The following RIGI variants were observed in gnomAD, a reference collection of about 807,000 sequenced individuals.
The protein encoded by RIGI is RNA sensor RIG-I.
chr9:32,481,032 T>C, the RIGI span, among the ~76,000 whole-genome samples: 1 of 152,216 alleles, frequency 6.6e-6, no homozygotes, highest in African/African-American at 2.4e-5. Context: ...GGACTGGTCT[T>C]GTATCTGGAA....
At chr9:32,509,697 C>T in the RIGI span, among the ~76,000 whole-genome samples, 1 of 152,146 alleles carries the variant, frequency 6.6e-6, no homozygotes. Context: ...AGGATCACAA[C>T]TCCTTGCCAG....
the RIGI span, chr9:32,487,425 T>G: frequency 6.3e-7 from 1 of 1,586,246 alleles, no homozygotes; most frequent in African/African-American, 1.3e-5. Context: ...CTAGAGGTAG[T>G]AGAGAGTAAC....
At chr9:32,525,108 A>T in the RIGI span, among the ~76,000 whole-genome samples, 1 of 152,172 alleles carries the variant, frequency 6.6e-6, no homozygotes, top group Admixed American at 6.5e-5. Flanking sequence ...CTGTGAATCA[A>T]GCAGCCAGCC....
chr9:32,458,655 A>G, the RIGI span, among the ~76,000 whole-genome samples: 3 of 152,330 alleles, frequency 2.0e-5, no homozygotes, highest in East Asian at 5.8e-4. Context: ...ACTTTGGAAC[A>G]ATTTTAGATT....
chr9:32,498,403 T>A, the RIGI span: 1 of 454,684 alleles, frequency 2.2e-6, no homozygotes, highest in South Asian at 1.6e-5. Context: ...TGTTTTACTC[T>A]CCCCACCCTC....
chr9:32,484,864 T>G, the RIGI span, among the ~76,000 whole-genome samples: 2 of 152,172 alleles, frequency 1.3e-5, no homozygotes, highest in African/African-American at 4.8e-5. Context: ...GGTGGTTTCA[T>G]TCAGGTGAAC....
At chr9:32,466,690 CAAAAAAAA>C in the RIGI span, among the ~76,000 whole-genome samples, 705 of 68,594 alleles carry the variant, frequency 0.01, 6 homozygotes, top group African/African-American at 0.039. Context: ...AGACCTATCT[CAAAAAAAA>C]AAAAAAAAAA....
At chr9:32,473,443 T>C in the RIGI span, among the ~76,000 whole-genome samples, 1 of 152,014 alleles carries the variant, frequency 6.6e-6, no homozygotes, top group Non-Finnish European at 1.5e-5. Flanking sequence ...TCAGCAACCA[T>C]GCATGGCTAA....
At chr9:32,485,859 C>G in the RIGI span, among the ~76,000 whole-genome samples, 1 of 152,048 alleles carries the variant, frequency 6.6e-6, no homozygotes, top group Non-Finnish European at 1.5e-5. Context: ...CTTACTGTGG[C>G]TGTCCTGTTA....
chr9:32,490,587 T>C, the RIGI span, among the ~76,000 whole-genome samples: 2 of 152,332 alleles, frequency 1.3e-5, no homozygotes, highest in East Asian at 3.9e-4. Context: ...TATTCTAATA[T>C]CATTTTTCTT....
the RIGI span, among the ~76,000 whole-genome samples, chr9:32,510,930 G>A: frequency 0.2 from 29,648 of 151,500 alleles, 3,291 homozygotes; most frequent in Non-Finnish European, 0.26. Context: ...AAAAAGCAGG[G>A]GTTGCAATCC....
At chr9:32,519,358 T>TTG in the RIGI span, among the ~76,000 whole-genome samples, 1 of 152,212 alleles carries the variant, frequency 6.6e-6, no homozygotes, top group East Asian at 1.9e-4. Flanking sequence ...TTGCTCTACT[T>TTG]ATCCAAAGTT....
At chr9:32,485,766 C>T in the RIGI span, among the ~76,000 whole-genome samples, 2 of 152,116 alleles carry the variant, frequency 1.3e-5, no homozygotes, top group African/African-American at 4.8e-5. Context: ...GTCTCGAACT[C>T]CTGAGCTGGT....
the RIGI span, among the ~76,000 whole-genome samples, chr9:32,503,820 T>C: frequency 1.3e-5 from 2 of 151,992 alleles, no homozygotes. Context: ...GGTGGGTGGA[T>C]CACTTGAGGT....
chr9:32,521,188 C>CA, the RIGI span, among the ~76,000 whole-genome samples: 197 of 134,926 alleles, frequency 1.5e-3, 1 homozygote, highest in African/African-American at 5.2e-3. Flanking sequence ...ATCTTATAGT[C>CA]AAACTGATTA....
the RIGI span, among the ~76,000 whole-genome samples, chr9:32,508,257 T>TTTTTTTTTTTTTTTTTTTTTTTTC: frequency 6.9e-6 from 1 of 144,300 alleles, no homozygotes; most frequent in Non-Finnish European, 1.5e-5. Flanking sequence ...TTTTTTTTTT[T>TTTTTTTTTTTTTTTTTTTTTTTTC]TACTATATGA....
chr9:32,481,210 G>C, the RIGI span: 13 of 887,104 alleles, frequency 1.5e-5, no homozygotes, highest in African/African-American at 2.0e-4. Context: ...TGCTTCATAA[G>C]AACTTTCTGG....
chr9:32,467,683 G>C, the RIGI span: 1 of 1,390,298 alleles, frequency 7.2e-7, no homozygotes, highest in African/African-American at 1.4e-5. Context: ...TCAGTAAAGA[G>C]AAAGGCCAGA....
the RIGI span, among the ~76,000 whole-genome samples, chr9:32,458,576 A>T: frequency 6.6e-6 from 1 of 152,112 alleles, no homozygotes; most frequent in Non-Finnish European, 1.5e-5. Context: ...TTTTTTCCTT[A>T]TTACCATTAG....
Sources: gnomAD v4.1 joint callset for allele counts (sites outside exome capture counted in the v4.1 genomes callset) on GRCh38, gnomAD v4.1.1 for gene constraint, MANE v1.5 for transcripts, NCBI Gene and HGNC (gene_info 2026-07-23, HGNC 2026-07-21) for gene names.